CFAP54: variants seen among roughly 807,000 people sequenced by gnomAD.
CFAP54 encodes the protein cilia and flagella associated protein 54.
In CFAP54, 290 loss-of-function variants were observed where a neutral mutation model predicts 370.4. That is an observed-to-expected ratio of 0.78 (90% CI 0.71 to 0.86). CFAP54 has a LOEUF of 0.86. Among genes scored for constraint, CFAP54 ranks in the 40% least tolerant of loss-of-function variants. CFAP54 has a pLI of 0.00. For missense variants in CFAP54, 3,399 were observed against 3,528.7 expected (o/e 0.96, Z 0.93); for synonymous variants, 1,206 against 1,236.5 (o/e 0.98, Z 0.52).
intron 66 of CFAP54, among the ~76,000 whole-genome samples, chr12:96,858,314 A>G (rs1959770066): frequency 1.3e-5 from 2 of 152,110 alleles, no homozygotes; most frequent in African/African-American, 2.4e-5. Context: ...GTGTCTGTTC[A>G]TATCCTTTGC....
chr12:96,498,651 CAAAACAA>C (rs1159666853), intron 1 of CFAP54, among the ~76,000 whole-genome samples: 7 of 151,828 alleles, frequency 4.6e-5, no homozygotes, highest in African/African-American at 1.7e-4. Flanking sequence ...GACTCCATCT[CAAAACAA>C]AAAATAAAAA....
chr12:96,524,512 T>A (rs187518958), intron 8 of CFAP54, among the ~76,000 whole-genome samples: 1 of 152,186 alleles, frequency 6.6e-6, no homozygotes, highest in Non-Finnish European at 1.5e-5. Flanking sequence ...TCAAGTATAG[T>A]GGAATATAGA....
At chr12:96,619,543 TA>T (rs1956462234) in intron 26 of CFAP54, among the ~76,000 whole-genome samples, 1 of 152,234 alleles carries the variant, frequency 6.6e-6, no homozygotes. Context: ...TTGCATGATT[TA>T]AAAATTGTTA....
In CFAP54 at chr12:96,717,671, G is replaced by A. The variant is rs372938997; in HGVS notation, c.6725-772G>A. ...TGGAGATTTTGAAAGAGATATTTGA[G>A]TATTGTGGATTATGCTCTTCCAGCT... On this transcript the variant is annotated intron_variant, in intron 48 of 67. Coordinates refer to ENST00000524981, the MANE Select transcript of CFAP54 (RefSeq NM_001306084.2). Among the ~76,000 whole-genome samples the A allele has an allele frequency of 2.0e-5, 3 of 152,296 alleles. 1 individual carries two copies.
chr12:96,730,366 A>C (rs962955786), intron 50 of CFAP54, among the ~76,000 whole-genome samples: 14 of 152,246 alleles, frequency 9.2e-5, no homozygotes, highest in Non-Finnish European at 1.6e-4. Flanking sequence ...GTCAAATATT[A>C]TAAATCAGAT....
chr12:96,838,108 C>T (rs913186109), intron 66 of CFAP54, among the ~76,000 whole-genome samples: 1 of 152,116 alleles, frequency 6.6e-6, no homozygotes, highest in Non-Finnish European at 1.5e-5. Flanking sequence ...TAGAAAGATA[C>T]ACACATGATC....
At chr12:96,574,414 C>A (rs1210535440) in intron 19 of CFAP54, among the ~76,000 whole-genome samples, 1 of 152,070 alleles carries the variant, frequency 6.6e-6, no homozygotes, top group South Asian at 2.1e-4. Context: ...GGAATAGTGG[C>A]ATTCTTTCTG....
At chr12:96,492,606 G>T (rs1003450629) in intron 1 of CFAP54, among the ~76,000 whole-genome samples, 6 of 152,188 alleles carry the variant, frequency 3.9e-5, no homozygotes, top group African/African-American at 1.4e-4. Context: ...CTTTGGATGT[G>T]TTTCTTTTTC....
In CFAP54 at chr12:96,739,991, A is replaced by G; in HGVS notation, c.7001A>G (p.Gln2334Arg). ...AIVFSTLTLLQDSKLFEKKVV... is the reference protein window; with the variant it reads ...AIVFSTLTLLRDSKLFEKKVV... Reference sequence around the variant, plus strand: ...GTATTTTCTACACTTACACTTCTCCAGGATTCAAAACTTTTTGAAAAGAAG... The same window carrying G: ...GTATTTTCTACACTTACACTTCTCCGGGATTCAAAACTTTTTGAAAAGAAG... The change falls in exon 51 of 68, where the codon CAG becomes CGG. Residue 2334 changes from glutamine to arginine, a missense_variant. Coordinates refer to ENST00000524981, the MANE Select transcript of CFAP54 (RefSeq NM_001306084.2). 6.2e-7 allele frequency: 1 copy of G among 1,602,684 alleles called. No homozygotes were observed. Among genetic ancestry groups the G allele is most frequent in the Non-Finnish European group, 8.5e-7 (1 of 1,171,864 alleles).
intron 50 of CFAP54, among the ~76,000 whole-genome samples, chr12:96,731,991 C>T (rs192144466): frequency 5.1e-4 from 77 of 152,316 alleles, no homozygotes; most frequent in Non-Finnish European, 8.5e-4. Flanking sequence ...ATACTTCTCC[C>T]ATTTCCAATG....
chr12:96,667,599 CT>C (rs1259828020), intron 39 of CFAP54, among the ~76,000 whole-genome samples: 8 of 152,188 alleles, frequency 5.3e-5, no homozygotes, highest in Non-Finnish European at 8.8e-5. Flanking sequence ...CACCAAATCC[CT>C]AGGCTGCACA....
At chr12:96,643,996 C>G (rs568188814) in intron 32 of CFAP54, among the ~76,000 whole-genome samples, 182 bp from the exon 33 acceptor site, 86 of 152,130 alleles carry the variant, frequency 5.7e-4, no homozygotes, top group African/African-American at 2.0e-3. Context: ...ATCCCTGTGC[C>G]TTTTTTTAAA....
chr12:96,827,772 A>G lies in CFAP54; in HGVS notation c.9097-1242A>G, dbSNP rs1381984770. On this transcript the variant is annotated intron_variant, in intron 65 of 67. Transcript: ENST00000524981. ...AATACATAGTAACATATTATATTATATATAGTTATATATAATATATAATTA... is the reference window on the plus strand; with the variant it reads ...AATACATAGTAACATATTATATTATGTATAGTTATATATAATATATAATTA... Among the ~76,000 whole-genome samples the G allele has an allele frequency of 6.6e-4, 80 of 121,060 alleles. 3 individuals are homozygous for G. Among genetic ancestry groups the G allele is most frequent in the African/African-American group, 2.4e-3 (75 of 30,988 alleles). The allele number at this position is 121,060 out of a possible 152,430, so 79.4% of individuals were successfully genotyped here. A position where few individuals can be genotyped will look rare whatever the true frequency, so the allele number is the denominator to read the frequency against.
intron 63 of CFAP54, among the ~76,000 whole-genome samples, chr12:96,810,186 G>T (rs1030112679): frequency 6.6e-6 from 1 of 151,916 alleles, no homozygotes; most frequent in Admixed American, 6.6e-5. Flanking sequence ...TGAGCTTCTC[G>T]GTGTTCTCAG....
At chr12:96,589,731 T>C (rs1380096056) in intron 23 of CFAP54, among the ~76,000 whole-genome samples, 168 bp downstream of exon 23, 1 of 152,116 alleles carries the variant, frequency 6.6e-6, no homozygotes, top group African/African-American at 2.4e-5. Context: ...CATGTGCTTG[T>C]TAGAAACTTT....
In CFAP54 at chr12:96,535,447, G is replaced by T. The variant is rs187763484; in HGVS notation, c.1706-68G>T. The T allele has an allele frequency of 1.5e-3, 1,488 of 964,160 alleles. 6 individuals carry two copies. Among genetic ancestry groups the T allele is most frequent in the Non-Finnish European group, 2.1e-3 (1,359 of 632,730 alleles). The allele number at this position is 964,160 out of a possible 1,614,324, so 59.7% of individuals were successfully genotyped here. ...ATTTTTTTAGCATATTTGTGTTTCT[G>T]TGCCTTTTCTATTTGAAATTTTGTA... On this transcript the variant is annotated intron_variant, in intron 11 of 67. Coordinates refer to ENST00000524981, the MANE Select transcript of CFAP54 (RefSeq NM_001306084.2).
At chr12:96,518,844 A>T in intron 5 of CFAP54, 84 bp from the exon 6 acceptor site, 1 of 1,251,794 alleles carries the variant, frequency 8.0e-7, no homozygotes, top group African/African-American at 1.5e-5. Flanking sequence ...TTGTGCTCAC[A>T]ACTTAGAATT....
At chr12:96,584,554 A>G (rs1453786092) in intron 22 of CFAP54, among the ~76,000 whole-genome samples, 1 of 152,016 alleles carries the variant, frequency 6.6e-6, no homozygotes, top group Non-Finnish European at 1.5e-5. Flanking sequence ...CCACTCATCT[A>G]TTATTTATGG....
chr12:96,826,323 A>T (rs1357383998), intron 65 of CFAP54, among the ~76,000 whole-genome samples: 2 of 142,716 alleles, frequency 1.4e-5, no homozygotes, highest in African/African-American at 2.5e-5. Flanking sequence ...ATATATATTG[A>T]ATATATATAG....
Sources: allele counts gnomAD v4.1 joint callset (sites outside exome capture counted in the v4.1 genomes callset), GRCh38; gene constraint gnomAD v4.1.1; transcripts MANE v1.5; gene names NCBI Gene and HGNC (gene_info 2026-07-23, HGNC 2026-07-21).